The following CCDC30 variants were observed in gnomAD, a reference collection of about 807,000 sequenced individuals.
CCDC30 encodes the protein coiled-coil domain containing 30.
A neutral mutation model predicts 100.2 loss-of-function variants in CCDC30; 70 were observed. The observed-to-expected ratio is 0.70, with a 90% confidence interval of 0.58 to 0.85. The LOEUF is 0.85. CCDC30 is among the 40% of genes least tolerant of loss of function. The pLI, the probability that CCDC30 is intolerant of heterozygous loss-of-function variation, is 0.00. For missense variants in CCDC30, 652 were observed against 771.2 expected, an observed-to-expected ratio of 0.85 and a Z score of 1.83; for synonymous variants, 233 against 269.5, an observed-to-expected ratio of 0.86 and a Z score of 1.33.
chr1:42,466,852 A>G (rs1166093007), intron 1 of CCDC30, among the ~76,000 whole-genome samples: 2 of 152,156 alleles, frequency 1.3e-5, no homozygotes, highest in African/African-American at 4.8e-5. Flanking sequence ...GCGCCCGGCC[A>G]AGAATAGTAT....
At chr1:42,598,647 A>G (rs904615423) in intron 10 of CCDC30, among the ~76,000 whole-genome samples, 1 of 152,208 alleles carries the variant, frequency 6.6e-6, no homozygotes. Flanking sequence ...ATCAAATTAT[A>G]TTAATAATCA....
At chr1:42,544,247 A>C (rs769021045) in intron 6 of CCDC30, among the ~76,000 whole-genome samples, 1 of 152,186 alleles carries the variant, frequency 6.6e-6, no homozygotes, top group Non-Finnish European at 1.5e-5. Flanking sequence ...CCTGAAGGAA[A>C]TGTTTTTTCA....
At chr1:42,562,542 A>G (rs1268734657) in intron 6 of CCDC30, among the ~76,000 whole-genome samples, 2 of 152,220 alleles carry the variant, frequency 1.3e-5, no homozygotes, top group African/African-American at 2.4e-5. Flanking sequence ...GGACATAGCC[A>G]TGGGCAAAGA....
intron 3 of CCDC30, among the ~76,000 whole-genome samples, chr1:42,487,972 A>G (rs1259737259): frequency 1.3e-5 from 2 of 152,162 alleles, no homozygotes; most frequent in African/African-American, 4.8e-5. Context: ...GTAAGCCACT[A>G]AGTTTGTGGC....
At chr1:42,515,420 G>C (rs369210198) in intron 6 of CCDC30, among the ~76,000 whole-genome samples, 2 of 152,334 alleles carry the variant, frequency 1.3e-5, no homozygotes, top group Admixed American at 6.5e-5. Context: ...AGTATTAAGA[G>C]ATGTGGCCTT....
rs528282755 is a variant in CCDC30, at chr1:42,651,335, C to A, written c.1855-2041C>A. On this transcript the variant is annotated intron_variant, in intron 15 of 16. Transcript: ENST00000668663. ...GAGAAAATATCTGTAAGCTACACAT[C>A]TGATAAGGGATTAATATCCAAAATA... is the stretch of plus-strand genomic sequence containing the variant. Among the ~76,000 whole-genome samples the A allele has an allele frequency of 3.9e-5, 6 of 152,208 alleles. No homozygotes were observed. The East Asian group carries it at 9.6e-4, about 24-fold the overall frequency.
intron 6 of CCDC30, among the ~76,000 whole-genome samples, chr1:42,511,671 G>A (rs1428070027): frequency 1.3e-5 from 2 of 152,144 alleles, no homozygotes; most frequent in Admixed American, 6.5e-5. Flanking sequence ...AAGGGGCATA[G>A]AGCCTGATTT....
chr1:42,582,213 G>A (rs1645982491), intron 9 of CCDC30, among the ~76,000 whole-genome samples: 1 of 152,166 alleles, frequency 6.6e-6, no homozygotes, highest in South Asian at 2.1e-4. Context: ...CTGGGTGGCA[G>A]AATGAGACCC....
intron 6 of CCDC30, among the ~76,000 whole-genome samples, chr1:42,518,397 A>C (rs969963253): frequency 6.6e-6 from 1 of 152,212 alleles, no homozygotes; most frequent in Non-Finnish European, 1.5e-5. Context: ...GAGATCATAT[A>C]ATCTGCAAAC....
chr1:42,556,025 A>G, intron 6 of CCDC30, 131 bp from the exon 10 acceptor site: 1 of 878,078 alleles, frequency 1.1e-6, no homozygotes, highest in South Asian at 1.8e-5. Context: ...TAAGAATAAG[A>G]TGACTGTTGT....
intron 2 of CCDC30, among the ~76,000 whole-genome samples, chr1:42,481,555 C>T (rs1039365866): frequency 2.4e-5 from 3 of 126,606 alleles, no homozygotes; most frequent in South Asian, 2.5e-4. Context: ...CCAGCCTGGG[C>T]GACAGAGCAA....
chr1:42,515,398 C>T (rs1644539985), intron 6 of CCDC30, among the ~76,000 whole-genome samples: 1 of 152,138 alleles, frequency 6.6e-6, no homozygotes, highest in Non-Finnish European at 1.5e-5. Context: ...GTTATGGTAA[C>T]TAGAATGCAA....
chr1:42,512,915 CT>C (rs1644501412), intron 6 of CCDC30, among the ~76,000 whole-genome samples: 1 of 152,192 alleles, frequency 6.6e-6, no homozygotes, highest in Admixed American at 6.5e-5. Flanking sequence ...GGCAGCCACG[CT>C]AACCGTGTTT....
chr1:42,581,510 A>G (rs1231751244), exon 9 of CCDC30: 2 of 1,609,986 alleles, frequency 1.2e-6, no homozygotes, highest in African/African-American at 2.7e-5. Context: ...AGAACAACAG[A>G]AGAGGTAAGA....
chr1:42,568,696 G>A (rs1325483578), intron 7 of CCDC30, among the ~76,000 whole-genome samples: 2 of 151,630 alleles, frequency 1.3e-5, no homozygotes, highest in Non-Finnish European at 2.9e-5. Flanking sequence ...TGGGGCTGAG[G>A]TGAGCAGATC....
At chr1:42,533,337 G>A (rs1644836913) in intron 6 of CCDC30, among the ~76,000 whole-genome samples, 1 of 152,128 alleles carries the variant, frequency 6.6e-6, no homozygotes, top group Admixed American at 6.5e-5. Context: ...AAAGAAAGAA[G>A]AAGAAAGAGA....
intron 1 of CCDC30, 125 bp downstream of exon 1, chr1:42,464,023 T>G (rs1483684464): frequency 5.3e-5 from 8 of 152,294 alleles, no homozygotes; most frequent in Admixed American, 3.9e-4. Context: ...CTGCACATTA[T>G]TGAATGTCCA....
rs559869479 is a variant in CCDC30 at position 42,623,186 on chromosome 1, C to T, written c.1277+12096C>T. On this transcript the variant is annotated intron_variant, in intron 11 of 16. Transcript: ENST00000668663. ...ATTTTCCCTATTCCATGGGTTGTCA[C>T]TTCACTTTGTTGATTGTTTCCTTTG... Among the ~76,000 whole-genome samples the T allele has an allele frequency of 1.4e-4, 21 of 152,248 alleles. No homozygotes were observed. In the East Asian group the frequency reaches 3.9e-3, roughly 28 times the overall value.
intron 11 of CCDC30, 26 bp downstream of exon 15, chr1:42,611,116 A>G (rs373925831): frequency 1.5e-6 from 2 of 1,365,472 alleles, no homozygotes; most frequent in African/African-American, 2.9e-5. Context: ...TTCTCTTTGG[A>G]AGAAAACTAT....
Sources: allele counts gnomAD v4.1 joint callset (sites outside exome capture counted in the v4.1 genomes callset), GRCh38; gene constraint gnomAD v4.1.1; transcripts MANE v1.5; gene names NCBI Gene and HGNC (gene_info 2026-07-23, HGNC 2026-07-21).